The following NUSAP1 variants were observed in gnomAD, a reference collection of about 807,000 sequenced individuals.
NUSAP1 encodes the protein nucleolar and spindle associated protein 1.
A neutral mutation model predicts 52.8 loss-of-function variants in NUSAP1; 32 were observed. The observed-to-expected ratio is 0.61, with a 90% CI of 0.46 to 0.81. NUSAP1 has a LOEUF of 0.81. Among genes scored for constraint, NUSAP1 ranks in the 40% least tolerant of loss-of-function variants. NUSAP1 has a pLI of 0.00. For synonymous variants in NUSAP1, 195 were observed against 183.1 expected (o/e 1.06, Z -0.52); for missense variants, 499 against 522.3 (o/e 0.96, Z 0.43).
chr15:41,362,521 T>C (rs2049217377), intron 6 of NUSAP1, among the ~76,000 whole-genome samples: 1 of 151,416 alleles, frequency 6.6e-6, no homozygotes, highest in Non-Finnish European at 1.5e-5. Context: ...TCTTCCCAGG[T>C]TCATGCCACT....
chr15:41,365,747 G>T (rs1236981865), intron 7 of NUSAP1, 158 bp downstream of exon 7: 6 of 414,734 alleles, frequency 1.4e-5, no homozygotes, highest in South Asian at 3.9e-5. Flanking sequence ...TTGAGATGAG[G>T]TCTCGCTCTG....
intron 10 of NUSAP1, among the ~76,000 whole-genome samples, chr15:41,378,948 T>TTTTTTTTTTTTG (rs2050097619): frequency 1.0e-5 from 1 of 96,992 alleles, no homozygotes; most frequent in Non-Finnish European, 2.1e-5. Context: ...ATCTTGGTTT[T>TTTTTTTTTTTTG]TTTTTTTTTT....
chr15:41,341,226 C>T (rs532704434), intron 1 of NUSAP1, among the ~76,000 whole-genome samples: 402 of 152,162 alleles, frequency 2.6e-3, no homozygotes, highest in Middle Eastern at 0.014. Flanking sequence ...CCACCATGCC[C>T]GGCTAATTTT....
Position 41,336,999 on chromosome 15 carries a change from CTTTTTTTTTTTTTT to C in NUSAP1, c.93+3961_93+3974del, listed in dbSNP as rs201223527. Among the ~76,000 whole-genome samples, 4 of 65,792 alleles carry C rather than the reference CTTTTTTTTTTTTTT, an allele frequency of 6.1e-5. No homozygotes were observed. The Admixed American group carries it at 6.3e-4, about 10-fold the overall frequency. The allele number at this position is 65,792 out of a possible 152,430, so 43.2% of individuals were successfully genotyped here. The stretch of plus-strand genomic sequence containing the variant: ...CCCCCCCTTTTTTTCCTTTCCTTTT[CTTTTTTTTTTTTTT>C]TTTTTTTTTTTGAGACAGGGTCTTG... On this transcript the variant is annotated intron_variant, in intron 1 of 10. Transcript: ENST00000559596.
intron 4 of NUSAP1, among the ~76,000 whole-genome samples, chr15:41,353,282 C>G (rs1414179115): frequency 6.6e-6 from 1 of 152,072 alleles, no homozygotes; most frequent in African/African-American, 2.4e-5. Context: ...TCCCAAGTAG[C>G]TGGGATTACA....
chr15:41,339,315 T>TA (rs1231867021), intron 1 of NUSAP1, among the ~76,000 whole-genome samples: 1 of 152,148 alleles, frequency 6.6e-6, no homozygotes, highest in Non-Finnish European at 1.5e-5. Flanking sequence ...TCACAAGAAT[T>TA]ATATATTAAT....
At chr15:41,361,938 G>A (rs890893211) in intron 6 of NUSAP1, among the ~76,000 whole-genome samples, 3 of 152,126 alleles carry the variant, frequency 2.0e-5, no homozygotes, top group Non-Finnish European at 2.9e-5. Context: ...AGATGGTGAT[G>A]GACAGTAATA....
chr15:41,370,076 A>G (rs1289122493), intron 7 of NUSAP1, among the ~76,000 whole-genome samples: 2 of 149,910 alleles, frequency 1.3e-5, no homozygotes, highest in African/African-American at 4.9e-5. Context: ...CTCCAAAAAA[A>G]GAAGAAAGAA....
chr15:41,342,820 C>G (rs1388926897), intron 2 of NUSAP1, among the ~76,000 whole-genome samples: 1 of 151,858 alleles, frequency 6.6e-6, no homozygotes, highest in Admixed American at 6.6e-5. Flanking sequence ...GCCTGGGTGA[C>G]AGAGCAAGAC....
intron 2 of NUSAP1, among the ~76,000 whole-genome samples, chr15:41,347,724 G>C (rs2048628521): frequency 6.6e-6 from 1 of 151,234 alleles, no homozygotes; most frequent in South Asian, 2.1e-4. Flanking sequence ...TGAGGCAGGA[G>C]AATGGCATGA....
At chr15:41,340,939 C>T (rs191872410) in intron 1 of NUSAP1, among the ~76,000 whole-genome samples, 21 of 152,102 alleles carry the variant, frequency 1.4e-4, no homozygotes, top group African/African-American at 5.1e-4. Context: ...ACACATGGCC[C>T]ATGATAAAAG....
At chr15:41,341,533 C>G (rs2048367372) in intron 1 of NUSAP1, among the ~76,000 whole-genome samples, 1 of 152,176 alleles carries the variant, frequency 6.6e-6, no homozygotes, top group Non-Finnish European at 1.5e-5. Flanking sequence ...TTTTGCATTC[C>G]TCATCTTAGG....
chr15:41,352,249 C>T (rs796202442), intron 4 of NUSAP1, among the ~76,000 whole-genome samples: 5 of 152,048 alleles, frequency 3.3e-5, no homozygotes, highest in South Asian at 2.1e-4. Flanking sequence ...GCCTTCCTTT[C>T]GCTTTCTTTT....
chr15:41,336,655 T>TGTTTTTTTTTTTTGTTTG (rs748827154), intron 1 of NUSAP1, among the ~76,000 whole-genome samples: 24,434 of 140,792 alleles, frequency 0.17, 1,721 homozygotes, highest in Non-Finnish European at 0.21. Flanking sequence ...TTGGTTTTTT[T>TGTTTTTTTTTTTTGTTTG]TTTTTTTTTT....
At position 41,342,258 on chromosome 15, in the gene NUSAP1, T is replaced by G. The variant is rs1000599972; in HGVS notation, c.94-128T>G. On this transcript the variant is annotated intron_variant, in intron 1 of 10. Transcript: ENST00000559596. ...CCTTAGAGCAGAGACCCATTCTTTCTAAGTAATGGTTCTAGTCCTATGGTC... is the reference window on the plus strand; with the variant it reads ...CCTTAGAGCAGAGACCCATTCTTTCGAAGTAATGGTTCTAGTCCTATGGTC... 4 of 648,234 alleles carry G rather than the reference T, an allele frequency of 6.2e-6. No individual in the cohort carries two copies. In the Admixed American group the frequency reaches 1.3e-4, roughly 21 times the overall value. The allele number at this position is 648,234 out of a possible 1,614,324, so 40.2% of individuals were successfully genotyped here. A position where few individuals can be genotyped will look rare whatever the true frequency, so the allele number is the denominator to read the frequency against.
chr15:41,344,568 G>A (rs2048488561), intron 2 of NUSAP1, among the ~76,000 whole-genome samples: 1 of 151,878 alleles, frequency 6.6e-6, no homozygotes, highest in Non-Finnish European at 1.5e-5. Context: ...AACCCAGGAG[G>A]CGGAGCTTGC....
chr15:41,364,056 T>A (rs1402603723), intron 6 of NUSAP1, among the ~76,000 whole-genome samples: 1 of 152,130 alleles, frequency 6.6e-6, no homozygotes, highest in African/African-American at 2.4e-5. Context: ...GGTCATGAAC[T>A]CCTGGGCTTA....
chr15:41,368,118 G>A lies in NUSAP1; in HGVS notation c.848+2529G>A, dbSNP rs184989601. Among the ~76,000 whole-genome samples the A allele has an allele frequency of 2.0e-5, 3 of 152,252 alleles. No homozygotes were observed. The East Asian group carries it at 5.8e-4, about 29-fold the overall frequency. On this transcript the variant is annotated intron_variant, in intron 7 of 10. Transcript: ENST00000559596. Reference sequence around the variant, plus strand: ...TTGCCTTTGTCCTTTCTTGTGGGGGGATGAATGCCAGGCATCTCTAGTCAG... The same window carrying A: ...TTGCCTTTGTCCTTTCTTGTGGGGGAATGAATGCCAGGCATCTCTAGTCAG...
chr15:41,338,176 C>A (rs1479047040), intron 1 of NUSAP1, among the ~76,000 whole-genome samples: 1 of 151,984 alleles, frequency 6.6e-6, no homozygotes, highest in Non-Finnish European at 1.5e-5. Flanking sequence ...CTCAAGTGAT[C>A]CACCTGCCTT....
Sources: allele counts gnomAD v4.1 joint callset (sites outside exome capture counted in the v4.1 genomes callset), GRCh38; gene constraint gnomAD v4.1.1; transcripts MANE v1.5; gene names NCBI Gene and HGNC (gene_info 2026-07-23, HGNC 2026-07-21).